The following LIN52 variants were observed in gnomAD, a reference collection of about 807,000 sequenced individuals.
LIN52 encodes lin-52 DREAM MuvB core complex component.
In LIN52, 4 loss-of-function variants were observed where a neutral mutation model predicts 18.5. The observed-to-expected ratio is 0.22, with a 90% confidence interval of 0.11 to 0.49. The LOEUF (loss-of-function observed/expected upper bound fraction) is 0.49. Among genes scored for constraint, LIN52 ranks in the 20% least tolerant of loss-of-function variants. The pLI, the probability that LIN52 is intolerant of heterozygous loss-of-function variation, is 0.97. For missense variants in LIN52, 102 were observed against 139.5 expected (o/e 0.73, Z 1.35); for synonymous variants, 34 against 45.5 (o/e 0.75, Z 1.02).
chr14:74,117,557 A>C (rs1379118752), intron 5 of LIN52, among the ~76,000 whole-genome samples: 1 of 152,122 alleles, frequency 6.6e-6, no homozygotes, highest in Non-Finnish European at 1.5e-5. Flanking sequence ...AAGTGTTCAT[A>C]GGAGTTCAGT....
At chr14:74,112,409 G>A (rs998464509) in intron 5 of LIN52, among the ~76,000 whole-genome samples, 3 of 151,760 alleles carry the variant, frequency 2.0e-5, no homozygotes, top group South Asian at 4.2e-4. Flanking sequence ...CGGTTCAAGC[G>A]ATTCTCCCAC....
chr14:74,175,778 T>A (rs938147397), intron 5 of LIN52, among the ~76,000 whole-genome samples: 2 of 149,832 alleles, frequency 1.3e-5, no homozygotes, highest in Non-Finnish European at 3.0e-5. Flanking sequence ...TACCAAAATC[T>A]TCTCCTTCTT....
At chr14:74,180,984 G>T (rs893378639) in intron 5 of LIN52, among the ~76,000 whole-genome samples, 5 of 151,400 alleles carry the variant, frequency 3.3e-5, no homozygotes, top group African/African-American at 1.2e-4. Flanking sequence ...GTACGCACTT[G>T]TAATCCCAGC....
At chr14:74,110,771 T>C (rs761192524) in intron 5 of LIN52, among the ~76,000 whole-genome samples, 8 of 152,030 alleles carry the variant, frequency 5.3e-5, no homozygotes, top group South Asian at 4.1e-4. Context: ...GAGACCATCC[T>C]GGCTAACACA....
chr14:74,099,539 T>C (rs1186143973), intron 4 of LIN52, among the ~76,000 whole-genome samples: 1 of 152,076 alleles, frequency 6.6e-6, no homozygotes, highest in Non-Finnish European at 1.5e-5. Flanking sequence ...AGGAATTGGG[T>C]GCTATTTAAA....
chr14:74,140,692 C>G (rs1566859221), intron 5 of LIN52, among the ~76,000 whole-genome samples: 2 of 152,176 alleles, frequency 1.3e-5, no homozygotes, highest in Admixed American at 6.5e-5. Context: ...GTGGCTGCCC[C>G]AGCTGTTCTG....
intron 5 of LIN52, among the ~76,000 whole-genome samples, chr14:74,171,905 A>ATT (rs1289836369): frequency 6.6e-6 from 1 of 151,790 alleles, no homozygotes; most frequent in Non-Finnish European, 1.5e-5. Flanking sequence ...AACCTGGCTA[A>ATT]TTTTTTGTAT....
chr14:74,191,769 G>A (rs2078878084), intron 5 of LIN52, among the ~76,000 whole-genome samples: 1 of 152,012 alleles, frequency 6.6e-6, no homozygotes, highest in Non-Finnish European at 1.5e-5. Context: ...CAGTAGCTGG[G>A]ACTACAGGCA....
chr14:74,109,148 G>T (rs1056118705), intron 5 of LIN52, among the ~76,000 whole-genome samples: 1 of 152,150 alleles, frequency 6.6e-6, no homozygotes, highest in Non-Finnish European at 1.5e-5. Context: ...TTGTTGAAAA[G>T]ACTATCCTTT....
intron 5 of LIN52, among the ~76,000 whole-genome samples, chr14:74,194,086 T>G (rs2078896248): frequency 6.6e-6 from 1 of 152,216 alleles, no homozygotes; most frequent in South Asian, 2.1e-4. Flanking sequence ...AAAGTTATAA[T>G]CTGGACAATC....
chr14:74,158,195 AC>A (rs1486906571), intron 5 of LIN52, among the ~76,000 whole-genome samples: 1 of 150,488 alleles, frequency 6.6e-6, no homozygotes, highest in Non-Finnish European at 1.5e-5. Flanking sequence ...GCTCACTGCA[AC>A]CTCCGCCTCA....
chr14:74,150,626 T>A (rs2139555090), intron 5 of LIN52, among the ~76,000 whole-genome samples: 1 of 152,324 alleles, frequency 6.6e-6, no homozygotes, highest in East Asian at 1.9e-4. Flanking sequence ...ATATTTATGA[T>A]TTGTACATTT....
At chr14:74,128,943 A>AAAAAC (rs373110592) in intron 5 of LIN52, among the ~76,000 whole-genome samples, 1,881 of 152,306 alleles carry the variant, frequency 0.012, 35 homozygotes, top group African/African-American at 0.041. Context: ...CTCTGTCTAA[A>AAAAAC]AAAACAAAAC....
chr14:74,134,107 T>A (rs1177165138), intron 5 of LIN52, among the ~76,000 whole-genome samples: 1 of 152,258 alleles, frequency 6.6e-6, no homozygotes, highest in Non-Finnish European at 1.5e-5. Flanking sequence ...CTTTAATTTC[T>A]TCTGGCTGTC....
intron 1 of LIN52, among the ~76,000 whole-genome samples, chr14:74,086,898 T>C (rs72725940): frequency 0.1 from 15,361 of 152,140 alleles, 847 homozygotes; most frequent in South Asian, 0.18. Context: ...CTGAAATGTA[T>C]ACTTAAAAGT....
intron 5 of LIN52, among the ~76,000 whole-genome samples, chr14:74,149,206 A>T (rs17097199): frequency 0.14 from 20,930 of 152,128 alleles, 2,028 homozygotes; most frequent in East Asian, 0.58. Context: ...ATGGTTTTAA[A>T]AATTCACAGC....
At position 74,084,963 on chromosome 14, in the gene LIN52, A is replaced by G. The variant is rs775384651; in HGVS notation, c.-12A>G. ...CCGACGGTTGGCCACGTCACGTGAC[A>G]TGGGTTGGAAGATGGCGTCTCCCAC... is the stretch of plus-strand genomic sequence containing the variant. On this transcript the variant is annotated 5_prime_UTR_variant, in exon 1 of 6. An upstream start codon of the reference 5' UTR is lost. Coordinates refer to ENST00000555028, the MANE Select transcript of LIN52 (RefSeq NM_001024674.3). 5.5e-6 allele frequency: 8 copies of G among 1,461,090 alleles called. No homozygotes were observed. In the Admixed American group the frequency reaches 7.8e-5, roughly 14 times the overall value. 90.5% of individuals were successfully genotyped at this position (1,461,090 alleles called of 1,614,324 possible).
At chr14:74,102,070 G>A (rs762838442) in intron 5 of LIN52, among the ~76,000 whole-genome samples, 16 of 152,210 alleles carry the variant, frequency 1.1e-4, no homozygotes, top group Middle Eastern at 3.4e-3. Flanking sequence ...CACCCAACCA[G>A]CATTTTAGTT....
intron 5 of LIN52, among the ~76,000 whole-genome samples, chr14:74,193,773 GA>G (rs1263894476): frequency 5.0e-4 from 76 of 152,210 alleles, no homozygotes; most frequent in South Asian, 6.2e-4. Flanking sequence ...GTCAATGTAA[GA>G]GCTGAAGTCC....
Sources: allele counts gnomAD v4.1 joint callset (sites outside exome capture counted in the v4.1 genomes callset), GRCh38; gene constraint gnomAD v4.1.1; transcripts MANE v1.5; gene names NCBI Gene and HGNC (gene_info 2026-07-23, HGNC 2026-07-21).